The following SYNPO2 variants were observed in gnomAD, a reference collection of about 807,000 sequenced individuals.
The protein encoded by SYNPO2 is synaptopodin 2, also known as synaptopodin-2.
In SYNPO2, 56 loss-of-function variants were observed where a neutral mutation model predicts 85.0. That is an observed-to-expected ratio of 0.66 (90% CI 0.53 to 0.82). SYNPO2 has a LOEUF of 0.82. Ranked by LOEUF, SYNPO2 falls within the 40% of genes least tolerant of loss-of-function variation. SYNPO2 has a pLI of 0.00. For synonymous variants in SYNPO2, 602 were observed against 591.1 expected (o/e 1.02, Z -0.27); for missense variants, 1,575 against 1,534.2 (o/e 1.03, Z -0.44).
chr4:118,942,252 T>A (rs1013898780), intron 1 of SYNPO2, among the ~76,000 whole-genome samples: 2 of 152,204 alleles, frequency 1.3e-5, no homozygotes, highest in African/African-American at 4.8e-5. Context: ...CCACCTATTG[T>A]GGGAAGGTAC....
chr4:118,977,340 C>G (rs754500039), intron 1 of SYNPO2, among the ~76,000 whole-genome samples: 1 of 152,200 alleles, frequency 6.6e-6, no homozygotes, highest in African/African-American at 2.4e-5. Flanking sequence ...CCAGCTGCTC[C>G]GAGTGCGGGG....
intron 1 of SYNPO2, among the ~76,000 whole-genome samples, chr4:118,943,850 G>A (rs1337783019): frequency 1.3e-5 from 2 of 152,128 alleles, no homozygotes; most frequent in Non-Finnish European, 2.9e-5. Context: ...TGCTAAGTGT[G>A]TACCTCTCAA....
chr4:118,922,253 G>A (rs1208290947), intron 1 of SYNPO2, among the ~76,000 whole-genome samples: 2 of 151,996 alleles, frequency 1.3e-5, no homozygotes, highest in East Asian at 1.9e-4. Flanking sequence ...TTTAATTATC[G>A]ATTCGAATCA....
At position 118,962,055 on chromosome 4, in the gene SYNPO2, C is replaced by T. The variant is rs370920092; in HGVS notation, c.106-61375C>T. On this transcript the variant is annotated intron_variant, in intron 1 of 4. Transcript: ENST00000307142. ...CACATAAGAGCAATCACCCTGTGTT[C>T]GCTTTTGCTCCCTTTCATCAGGTAG... Among the ~76,000 whole-genome samples the T allele has an allele frequency of 2.1e-4, 32 of 152,262 alleles. No individual in the cohort carries two copies. In the East Asian group the frequency reaches 2.1e-3, roughly 10 times the overall value.
chr4:118,929,168 G>A (rs1450593214), intron 1 of SYNPO2, among the ~76,000 whole-genome samples: 1 of 152,168 alleles, frequency 6.6e-6, no homozygotes, highest in East Asian at 1.9e-4. Flanking sequence ...TGGGAAAAAG[G>A]AAAGGATGGA....
chr4:118,905,465 T>A (rs962832716), intron 1 of SYNPO2, among the ~76,000 whole-genome samples: 3 of 150,796 alleles, frequency 2.0e-5, no homozygotes, highest in Non-Finnish European at 4.4e-5. Flanking sequence ...TGTGTGTCTG[T>A]GAGAGAGAGA....
At chr4:118,923,079 A>G (rs1361921141) in intron 1 of SYNPO2, among the ~76,000 whole-genome samples, 2 of 152,196 alleles carry the variant, frequency 1.3e-5, no homozygotes, top group Non-Finnish European at 2.9e-5. Context: ...ATTCTCTGCC[A>G]TACACACAAC....
intron 1 of SYNPO2, among the ~76,000 whole-genome samples, chr4:118,997,109 G>A (rs1413065867): frequency 5.4e-5 from 8 of 149,054 alleles, no homozygotes; most frequent in African/African-American, 1.7e-4. Context: ...GCGTAGTGGC[G>A]GGCGCCTGTA....
chr4:118,920,422 A>G (rs1733494696), intron 1 of SYNPO2, among the ~76,000 whole-genome samples: 2 of 152,284 alleles, frequency 1.3e-5, no homozygotes, highest in Admixed American at 1.3e-4. Flanking sequence ...GAGATCACCC[A>G]TGTCATAAAA....
Position 119,058,191 on chromosome 4 carries a change from A to G in SYNPO2, c.*257A>G, listed in dbSNP as rs76725404. On this transcript the variant is annotated 3_prime_UTR_variant, in exon 5 of 5. Coordinates refer to ENST00000307142, the MANE Select transcript of SYNPO2 (RefSeq NM_133477.3). ...AGAGCATTACTTGGAAGAAAATTTC[A>G]CTATTTGCATTGATGTGCTGGCATT... is the stretch of plus-strand genomic sequence containing the variant. 1,308 of 256,070 alleles carry G rather than the reference A, an allele frequency of 5.1e-3. 26 individuals are homozygous for G. Among genetic ancestry groups the G allele is most frequent in the African/African-American group, 0.027 (1,240 of 45,408 alleles). 15.9% of individuals were successfully genotyped at this position (256,070 alleles called of 1,614,324 possible).
chr4:118,919,730 T>C (rs1234870932), intron 1 of SYNPO2, among the ~76,000 whole-genome samples: 2 of 152,084 alleles, frequency 1.3e-5, no homozygotes, highest in African/African-American at 4.8e-5. Context: ...TCTTTCAGGA[T>C]GGAGGAGAGA....
chr4:118,954,779 G>A (rs781178492), intron 1 of SYNPO2, among the ~76,000 whole-genome samples: 1 of 152,046 alleles, frequency 6.6e-6, no homozygotes, highest in Admixed American at 6.6e-5. Flanking sequence ...GAGAATAATA[G>A]CTGGCTTTTA....
chr4:118,981,329 C>G (rs1009336396), intron 1 of SYNPO2, among the ~76,000 whole-genome samples: 6 of 152,204 alleles, frequency 3.9e-5, no homozygotes, highest in Non-Finnish European at 7.3e-5. Flanking sequence ...AATTCCTAAG[C>G]CTGCTCACAT....
intron 1 of SYNPO2, among the ~76,000 whole-genome samples, chr4:118,972,271 T>A (rs1186263341): frequency 6.6e-6 from 1 of 151,982 alleles, no homozygotes; most frequent in African/African-American, 2.4e-5. Flanking sequence ...GGAGACCCTG[T>A]CTCTACAAAA....
At chr4:118,975,914 C>T (rs1455370384) in intron 1 of SYNPO2, among the ~76,000 whole-genome samples, 1 of 152,226 alleles carries the variant, frequency 6.6e-6, no homozygotes, top group Non-Finnish European at 1.5e-5. Context: ...GTGAGCCTTA[C>T]TTTCCTCAAA....
intron 1 of SYNPO2, among the ~76,000 whole-genome samples, chr4:118,907,478 G>C (rs1051001726): frequency 1.3e-5 from 2 of 152,188 alleles, no homozygotes; most frequent in Admixed American, 6.5e-5. Flanking sequence ...TGGGAGAAGA[G>C]AGGATATGTT....
chr4:118,856,214 C>T (rs1731503091), intron 1 of SYNPO2, among the ~76,000 whole-genome samples: 1 of 152,216 alleles, frequency 6.6e-6, no homozygotes, highest in Non-Finnish European at 1.5e-5. Flanking sequence ...ATTCGGTGCT[C>T]AGAAAATGTC....
intron 4 of SYNPO2, among the ~76,000 whole-genome samples, chr4:119,039,000 A>C (rs936451002): frequency 3.3e-5 from 5 of 152,080 alleles, no homozygotes; most frequent in African/African-American, 1.2e-4. Context: ...CCCATCACCA[A>C]CTTCAAAAAA....
intron 4 of SYNPO2, chr4:119,034,339 A>G (rs1047618116): frequency 1.0e-6 from 1 of 977,844 alleles, no homozygotes; most frequent in African/African-American, 1.8e-5. Flanking sequence ...CTAGGATGGT[A>G]ATGACCCAGA....
Sources: gnomAD v4.1 joint callset for allele counts (sites outside exome capture counted in the v4.1 genomes callset) on GRCh38, gnomAD v4.1.1 for gene constraint, MANE v1.5 for transcripts, NCBI Gene and HGNC (gene_info 2026-07-23, HGNC 2026-07-21) for gene names.